FRY: variants seen among roughly 807,000 people sequenced by gnomAD.
FRY encodes protein furry homolog.
A neutral mutation model predicts 348.4 loss-of-function variants in FRY; 128 were observed. That is an observed-to-expected ratio of 0.37 (90% confidence interval 0.32 to 0.43). The LOEUF is 0.43. Among genes scored for constraint, FRY ranks in the 20% least tolerant of loss-of-function variants. FRY has a pLI of 1.00. For synonymous variants in FRY, 1,370 were observed against 1,374.7 expected (o/e 1.00, Z 0.08); for missense variants, 2,736 against 3,695.2 (o/e 0.74, Z 6.73).
intron 52 of FRY, 87 bp downstream of exon 52, chr13:32,261,903 A>G (rs903966560): frequency 8.0e-5 from 100 of 1,257,024 alleles, no homozygotes; most frequent in Middle Eastern, 6.1e-4. Flanking sequence ...GCAGCTAAGG[A>G]AACTTTCCAC....
At chr13:32,231,702 T>G (rs1440476829) in intron 41 of FRY, among the ~76,000 whole-genome samples, 1 of 152,204 alleles carries the variant, frequency 6.6e-6, no homozygotes, top group Non-Finnish European at 1.5e-5. Context: ...TGATAAAATG[T>G]TTTTGGCTTT....
In FRY at chr13:32,228,543, T is replaced by C; in HGVS notation, c.5294T>C (p.Leu1765Pro). 1 of 1,613,874 alleles carries C rather than the reference T, an allele frequency of 6.2e-7. No individual in the cohort carries two copies. The highest frequency in any genetic ancestry group is 8.5e-7 in the Non-Finnish European group (1 of 1,179,834). Reference sequence around the variant, plus strand: ...AGCTCCACCTCCTCTAGCATCAGTCTGGGAGGCAGCAGTGGAAACCTCCCA... The same window carrying C: ...AGCTCCACCTCCTCTAGCATCAGTCCGGGAGGCAGCAGTGGAAACCTCCCA... ...SSSSTSSSIS[L>P]GGSSGNLPQM... The change falls in exon 40 of 61, where the codon CTG becomes CCG. Residue 1765 changes from leucine (L) to proline (P), a missense_variant. By Grantham distance (98) the Leu-to-Pro change is moderately conservative. Coordinates refer to ENST00000542859, the MANE Select transcript of FRY (RefSeq NM_023037.3).
At chr13:32,202,111 C>T in intron 30 of FRY, 71 bp downstream of exon 30, 5 of 982,198 alleles carry the variant, frequency 5.1e-6, no homozygotes, top group Non-Finnish European at 8.3e-6. Flanking sequence ...AGTTGATTAC[C>T]TAATAGCTGT....
chr13:32,161,406 C>T (rs544144884), intron 17 of FRY, among the ~76,000 whole-genome samples, 155 bp downstream of exon 17: 3 of 152,214 alleles, frequency 2.0e-5, no homozygotes, highest in Admixed American at 2.0e-4. Flanking sequence ...TTATTTTTCC[C>T]ATATTCAAGG....
Position 32,179,749 on chromosome 13 carries a change from C to G in FRY, c.2946C>G (p.Ile982Met), listed in dbSNP as rs777873236. 6.2e-7 allele frequency: 1 copy of G among 1,613,362 alleles called. No homozygotes were observed. Residue 982 changes from isoleucine to methionine, a missense_variant, in exon 23 of 61, where the codon ATC (isoleucine) becomes ATG (methionine). Physicochemically the swap from Ile to Met is conservative, Grantham distance 10. This residue lies in a region of FRY where 449 missense variants were observed against 576.9 expected (regional missense o/e 0.78). Coordinates refer to ENST00000542859, the MANE Select transcript of FRY (RefSeq NM_023037.3). ...TGATGAGACTAGAGAGCATTGAGAT[C>G]ACAGAGTCCTTAGTTTTAGGATTTG... ...VPLMRLESIE[I>M]TESLVLGFGR...
intron 51 of FRY, 35 bp downstream of exon 51, chr13:32,254,429 C>G: frequency 1.9e-6 from 3 of 1,570,750 alleles, no homozygotes; most frequent in Non-Finnish European, 2.6e-6. Flanking sequence ...AATCCCCGCA[C>G]CCTTTTCCTT....
intron 2 of FRY, among the ~76,000 whole-genome samples, chr13:32,093,098 C>T (rs1876441218): frequency 1.3e-5 from 2 of 152,334 alleles, no homozygotes; most frequent in South Asian, 4.1e-4. Flanking sequence ...GTTACACACT[C>T]CCTGAACCTT....
chr13:32,204,665 G>A (rs2138336650), intron 31 of FRY, among the ~76,000 whole-genome samples: 1 of 152,262 alleles, frequency 6.6e-6, no homozygotes, highest in East Asian at 1.9e-4. Context: ...CAACTGTGCA[G>A]ACCTCTCCAT....
At chr13:32,101,542 C>T (rs561082985) in intron 2 of FRY, among the ~76,000 whole-genome samples, 1 of 152,260 alleles carries the variant, frequency 6.6e-6, no homozygotes, top group East Asian at 1.9e-4. Flanking sequence ...GAAAATCCTC[C>T]ATACTTTTTT....
At chr13:32,227,255 T>C (rs1428344657) in intron 39 of FRY, among the ~76,000 whole-genome samples, 1 of 152,226 alleles carries the variant, frequency 6.6e-6, no homozygotes, top group African/African-American at 2.4e-5. Flanking sequence ...TATAAATATT[T>C]ATTAAGCACC....
intron 4 of FRY, among the ~76,000 whole-genome samples, chr13:32,118,351 C>T (rs1161500299): frequency 6.6e-6 from 1 of 152,030 alleles, no homozygotes; most frequent in East Asian, 1.9e-4. Flanking sequence ...ACCAGAAAAT[C>T]AGACATTAAC....
At chr13:32,034,738 T>G (rs1872421396) in intron 1 of FRY, among the ~76,000 whole-genome samples, 1 of 152,214 alleles carries the variant, frequency 6.6e-6, no homozygotes, top group Admixed American at 6.5e-5. Context: ...TGAGTGTCAG[T>G]GGTAGCCACT....
chr13:32,287,954 T>A (rs1889158793), intron 58 of FRY: 1 of 596,182 alleles, frequency 1.7e-6, no homozygotes, highest in South Asian at 1.9e-5. Flanking sequence ...ATTTTTACCG[T>A]TACTGTTACA....
At position 32,124,635 on chromosome 13, in the gene FRY, C is replaced by A; in HGVS notation, c.589C>A (p.His197Asn). 1 of 1,595,930 alleles carries A rather than the reference C, an allele frequency of 6.3e-7. No individual in the cohort carries two copies. Among genetic ancestry groups the A allele is most frequent in the Non-Finnish European group, 8.6e-7 (1 of 1,163,708 alleles). Residue 197 changes from histidine to asparagine, a missense_variant, in exon 6 of 61, where the codon CAT (histidine) becomes AAT (asparagine). Transcript: ENST00000542859. ...PLHPVIDSLIHDVINLAFKHF... is the reference protein window; with the variant it reads ...PLHPVIDSLINDVINLAFKHF... ...TCATCCTGTAATAGACAGTTTAATA[C>A]ATGATGTTATTAACTTGGCTTTCAA...
At chr13:32,175,713 A>G (rs986801390) in intron 20 of FRY, 81 bp downstream of exon 20, 9 of 842,688 alleles carry the variant, frequency 1.1e-5, no homozygotes, top group Non-Finnish European at 1.8e-5. Flanking sequence ...ATTATGTGGA[A>G]TAATTTGGGT....
chr13:32,123,908 G>A (rs139963078), intron 4 of FRY, among the ~76,000 whole-genome samples: 6 of 152,252 alleles, frequency 3.9e-5, no homozygotes, highest in East Asian at 3.9e-4. Context: ...TCAGCTTACT[G>A]CAACCTCCGT....
chr13:32,081,116 G>A (rs1016410598), intron 2 of FRY, among the ~76,000 whole-genome samples: 1 of 152,124 alleles, frequency 6.6e-6, no homozygotes, highest in South Asian at 2.1e-4. Flanking sequence ...ATGTGCCATA[G>A]CATTCTTTTA....
chr13:32,054,856 C>T (rs186385956), intron 1 of FRY, among the ~76,000 whole-genome samples: 209 of 152,056 alleles, frequency 1.4e-3, no homozygotes, highest in African/African-American at 5.0e-3. Context: ...GCCTGGGCGA[C>T]GGAGCGAGAC....
chr13:32,212,210 T>A (rs929028204), intron 34 of FRY, 82 bp from the exon 35 acceptor site: 2 of 773,396 alleles, frequency 2.6e-6, no homozygotes, highest in African/African-American at 3.5e-5. Context: ...AGGAAATCTT[T>A]CCCTGGAATT....
Sources: allele counts gnomAD v4.1 joint callset (sites outside exome capture counted in the v4.1 genomes callset), GRCh38; gene constraint gnomAD v4.1.1; regional missense constraint gnomAD v4.1.1; transcripts MANE v1.5; gene names NCBI Gene and HGNC (gene_info 2026-07-23, HGNC 2026-07-21).